The following SH3BGRL2 variants were observed in gnomAD, a reference collection of about 807,000 sequenced individuals.
SH3BGRL2 encodes SH3 domain-binding glutamic acid-rich-like protein 2.
A neutral mutation model predicts 14.8 loss-of-function variants in SH3BGRL2; 21 were observed. That is an observed-to-expected ratio of 1.42 (90% CI 1.01 to 2.05). The LOEUF is 2.05. Ranked by LOEUF, SH3BGRL2 falls within the 30% of genes most tolerant of loss-of-function variation. The pLI is 0.00. For missense variants in SH3BGRL2, 147 were observed against 130.8 expected (o/e 1.12, Z -0.61); for synonymous variants, 50 against 47.8 (o/e 1.05, Z -0.19).
chr6:79,612,341 G>A, the SH3BGRL2 span, among the ~76,000 whole-genome samples: 2 of 152,080 alleles, frequency 1.3e-5, no homozygotes, highest in Non-Finnish European at 2.9e-5. Context: ...CCATCCATGG[G>A]AGAGAACAAA....
the SH3BGRL2 span, among the ~76,000 whole-genome samples, chr6:79,539,988 A>G: frequency 2.0e-5 from 3 of 152,220 alleles, no homozygotes; most frequent in Admixed American, 6.5e-5. Context: ...TTTTTCTCTA[A>G]CTTCTTGATC....
chr6:79,567,158 C>G, the SH3BGRL2 span, among the ~76,000 whole-genome samples: 12 of 152,242 alleles, frequency 7.9e-5, no homozygotes, highest in East Asian at 2.3e-3. Flanking sequence ...TCCTTAATCT[C>G]TCCACACTCC....
the SH3BGRL2 span, among the ~76,000 whole-genome samples, chr6:79,577,335 T>C: frequency 6.6e-6 from 1 of 152,298 alleles, no homozygotes; most frequent in South Asian, 2.1e-4. Context: ...CTCCTCTTCC[T>C]CCACTTCCCT....
intron 1 of SH3BGRL2, among the ~76,000 whole-genome samples, chr6:79,666,653 C>T (rs949624400): frequency 1.3e-5 from 2 of 152,102 alleles, no homozygotes; most frequent in African/African-American, 4.8e-5. Context: ...GAAGAATCAA[C>T]TTAGGGCCTT....
chr6:79,600,597 GA>G, the SH3BGRL2 span, among the ~76,000 whole-genome samples: 23 of 152,180 alleles, frequency 1.5e-4, no homozygotes, highest in African/African-American at 5.5e-4. Context: ...CAGGCATGGG[GA>G]CAGAGGAAGC....
intron 1 of SH3BGRL2, among the ~76,000 whole-genome samples, chr6:79,644,887 C>T (rs950813929): frequency 9.2e-5 from 14 of 151,434 alleles, no homozygotes; most frequent in Non-Finnish European, 1.5e-4. Flanking sequence ...TGGCCGGGCG[C>T]GGTGGCTCAC....
chr6:79,676,770 T>C (rs1232524784), intron 2 of SH3BGRL2, among the ~76,000 whole-genome samples: 1 of 152,146 alleles, frequency 6.6e-6, no homozygotes, highest in Non-Finnish European at 1.5e-5. Context: ...GAGGAATATA[T>C]TGAATGAATA....
At chr6:79,560,259 A>C in the SH3BGRL2 span, among the ~76,000 whole-genome samples, 1 of 152,222 alleles carries the variant, frequency 6.6e-6, no homozygotes, top group African/African-American at 2.4e-5. Flanking sequence ...AATCAAAAGG[A>C]AAAATAAAGG....
At position 79,649,993 on chromosome 6, in the gene SH3BGRL2, A is replaced by T. The variant is rs865904161; in HGVS notation, c.45+18487A>T. On this transcript the variant is annotated intron_variant, in intron 1 of 3. Transcript: ENST00000369838. ...CTCTCTCTCTCTCTCTCTCACACAC[A>T]CACACACACACACACACACACACAG... Among the ~76,000 whole-genome samples, 56 of 146,708 alleles carry T rather than the reference A, an allele frequency of 3.8e-4. 1 individual carries two copies. Among genetic ancestry groups the T allele is most frequent in the African/African-American group, 8.3e-4 (34 of 40,932 alleles).
At chr6:79,626,425 G>A (rs1361610713), upstream of SH3BGRL2, among the ~76,000 whole-genome samples, 4 of 152,146 alleles carry the variant, frequency 2.6e-5, no homozygotes, top group Non-Finnish European at 4.4e-5. Flanking sequence ...CCAAAGAGGA[G>A]AGATGAAGGA....
At chr6:79,679,633 A>AT (rs1714362538) in intron 2 of SH3BGRL2, among the ~76,000 whole-genome samples, 1 of 152,092 alleles carries the variant, frequency 6.6e-6, no homozygotes, top group Admixed American at 6.6e-5. Context: ...TCTATTTTTA[A>AT]TTTTGGGGGG....
At chr6:79,635,459 AACTT>A (rs1038547454) in intron 1 of SH3BGRL2, among the ~76,000 whole-genome samples, 3 of 152,216 alleles carry the variant, frequency 2.0e-5, no homozygotes, top group South Asian at 2.1e-4. Flanking sequence ...AATCACTGAA[AACTT>A]ACTTACCCAG....
chr6:79,666,310 GC>G (rs1288024398), intron 1 of SH3BGRL2, among the ~76,000 whole-genome samples: 1 of 152,154 alleles, frequency 6.6e-6, no homozygotes, highest in Non-Finnish European at 1.5e-5. Flanking sequence ...GGGACAAGGG[GC>G]CTTAGCATTG....
chr6:79,687,119 A>G (rs1419062324), intron 2 of SH3BGRL2, among the ~76,000 whole-genome samples: 1 of 152,112 alleles, frequency 6.6e-6, no homozygotes, highest in African/African-American at 2.4e-5. Context: ...AGCCATTACA[A>G]ATGTACTTCT....
chr6:79,624,813 T>G, the SH3BGRL2 span, among the ~76,000 whole-genome samples: 52 of 149,066 alleles, frequency 3.5e-4, 1 homozygote, highest in African/African-American at 8.8e-4. Context: ...GTTTTTTGGG[T>G]TTTTTTTTTC....
chr6:79,580,091 G>A, the SH3BGRL2 span, among the ~76,000 whole-genome samples: 1 of 152,108 alleles, frequency 6.6e-6, no homozygotes, highest in Admixed American at 6.5e-5. Flanking sequence ...TCCGCAAGAA[G>A]AGCTAACTAT....
At chr6:79,688,789 A>G (rs1314942315) in intron 2 of SH3BGRL2, among the ~76,000 whole-genome samples, 1 of 152,144 alleles carries the variant, frequency 6.6e-6, no homozygotes, top group African/African-American at 2.4e-5. Flanking sequence ...GTAGTTTTAA[A>G]TTTTTAATAC....
chr6:79,679,766 G>A (rs1214713280), intron 2 of SH3BGRL2, among the ~76,000 whole-genome samples: 3 of 151,816 alleles, frequency 2.0e-5, no homozygotes, highest in African/African-American at 7.3e-5. Flanking sequence ...TTTTTAAATG[G>A]TATCTACTCT....
rs1414474487 is a variant in SH3BGRL2 at position 79,699,507 on chromosome 6, T to C, written c.322T>C (p.Ter108GlnextTer12). The change falls in exon 4 of 4, where the codon TAG (stop) becomes CAG (glutamine). Residue 108 changes from the stop codon to glutamine, a stop_lost. Transcript: ENST00000369838. ...KPRLASKAEP[*>Q] ...TTTTTTTTTTTTATAGGCAGAACCT[T>C]AGAGAAGAAGAGTGGAAGATGACGG... 7.3e-7 allele frequency: 1 copy of C among 1,377,794 alleles called. No homozygotes were observed. 85.3% of individuals were successfully genotyped at this position (1,377,794 alleles called of 1,614,324 possible).
Sources: gnomAD v4.1 joint callset for allele counts (sites outside exome capture counted in the v4.1 genomes callset) on GRCh38, gnomAD v4.1.1 for gene constraint, MANE v1.5 for transcripts, NCBI Gene and HGNC (gene_info 2026-07-23, HGNC 2026-07-21) for gene names.